The following USH1C variants were observed in gnomAD, a reference collection of about 807,000 sequenced individuals.
USH1C encodes the protein USH1 protein network component harmonin.
A neutral mutation model predicts 119.3 loss-of-function variants in USH1C; 90 were observed. That is an observed-to-expected ratio of 0.75 (90% confidence interval 0.64 to 0.90). The LOEUF (loss-of-function observed/expected upper bound fraction) is 0.90, where lower values mean the gene tolerates loss of function less well. Ranked by LOEUF, USH1C falls within the 40% of genes least tolerant of loss-of-function variation. The probability of loss-of-function intolerance (pLI) is 0.00; values close to 1 mark genes in which losing one functional copy is unlikely to be tolerated. For synonymous variants in USH1C, 465 were observed against 443.3 expected (o/e 1.05, Z -0.62); for missense variants, 1,165 against 1,167.7 (o/e 1.00, Z 0.03).
chr11:17,541,910 C>T (rs1186738332), intron 1 of USH1C, among the ~76,000 whole-genome samples: 1 of 152,174 alleles, frequency 6.6e-6, no homozygotes, highest in Non-Finnish European at 1.5e-5. Context: ...GAAACTAAAA[C>T]TCAGGGAGAG....
At chr11:17,506,097 A>C (rs1849639306) in intron 18 of USH1C, 148 bp from the exon 19 acceptor site, 2 of 1,190,220 alleles carry the variant, frequency 1.7e-6, no homozygotes, top group Admixed American at 3.9e-5. Flanking sequence ...TGGGGTTGTG[A>C]TCCTCAGCAG....
intron 15 of USH1C, among the ~76,000 whole-genome samples, chr11:17,513,150 G>A (rs1591985371): frequency 6.6e-6 from 1 of 152,152 alleles, no homozygotes; most frequent in Non-Finnish European, 1.5e-5. Context: ...CTGAGTCTTC[G>A]AGGTCCTAGT....
chr11:17,536,768 T>G (rs1369853469), intron 1 of USH1C, among the ~76,000 whole-genome samples: 1 of 152,248 alleles, frequency 6.6e-6, no homozygotes, highest in African/African-American at 2.4e-5. Flanking sequence ...TGGAATCTCC[T>G]TGTCCTCACT....
intron 11 of USH1C, 31 bp downstream of exon 11, chr11:17,523,180 A>G (rs192213150): frequency 5.0e-6 from 8 of 1,613,806 alleles, no homozygotes; most frequent in Middle Eastern, 1.6e-4. Flanking sequence ...ATGAAGGTCA[A>G]GGGGCTCCCA....
chr11:17,529,656 G>A (rs1234173582), intron 4 of USH1C, among the ~76,000 whole-genome samples: 1 of 152,212 alleles, frequency 6.6e-6, no homozygotes, highest in African/African-American at 2.4e-5. Flanking sequence ...CCTGGCTCAG[G>A]TTGCAGGATC....
intron 21 of USH1C, 137 bp downstream of exon 21, chr11:17,501,802 G>T (rs1849457789): frequency 1.9e-6 from 2 of 1,035,896 alleles, no homozygotes; most frequent in Non-Finnish European, 2.9e-6. Flanking sequence ...GAGCAGCTGG[G>T]GCATCACTGG....
chr11:17,509,819 G>C lies in USH1C; in HGVS notation c.1550C>G (p.Pro517Arg). 1.3e-6 allele frequency: 2 copies of C among 1,597,366 alleles called. No homozygotes were observed. Among genetic ancestry groups the C allele is most frequent in the Non-Finnish European group, 1.7e-6 (2 of 1,178,160 alleles). The stretch of plus-strand genomic sequence containing the variant: ...CAGGGGAGACACAGAAGGCGGGGGA[G>C]GCGGGGGCCCTGTGGTCATCTGGGG... ...EISEMTTGPP[P>R]PPPSVSPLAP... Residue 517 changes from proline to arginine, a missense_variant, in exon 18 of 27, where the codon CCT becomes CGT. Transcript: ENST00000005226.
intron 25 of USH1C, 21 bp from the exon 26 acceptor site, chr11:17,495,698 A>T: frequency 1.2e-6 from 2 of 1,612,630 alleles, no homozygotes; most frequent in Non-Finnish European, 1.7e-6. Flanking sequence ...AGAGCAGAGC[A>T]AGAAACACAA....
At position 17,516,282 on chromosome 11, in the gene USH1C, A is replaced by G; in HGVS notation, c.1219T>C (p.Trp407Arg). Reference sequence around the variant, plus strand: ...AATTTGCCATCGTAACGATAAAACCATCCAAAAGCTATAAGACACAGATAA... The same window carrying G: ...AATTTGCCATCGTAACGATAAAACCGTCCAAAAGCTATAAGACACAGATAA... ...VPLRKPKSFG[W>R]FYRYDGKFPT... The change falls in exon 15 of 27, where the codon TGG becomes CGG. Residue 407 changes from tryptophan (W) to arginine (R), a missense_variant. Trp to Arg is a moderately radical substitution (Grantham distance 101, BLOSUM62 -3). Transcript: ENST00000005226. 2 of 1,613,314 alleles carry G rather than the reference A, an allele frequency of 1.2e-6. No individual in the cohort carries two copies. The highest frequency in any genetic ancestry group is 1.7e-6 in the Non-Finnish European group (2 of 1,179,754).
rs571304936 is a variant in USH1C at position 17,495,678 on chromosome 11, C to A, written c.2547-1G>T. ...AGCTACGGAGGAGGGAAGAGAAGCT[C>A]TATATATACAGAGCAGAGCAAGAAA... On this transcript the variant is annotated splice_acceptor_variant, in intron 25 of 26. Coordinates refer to ENST00000005226, the MANE Select transcript of USH1C (RefSeq NM_153676.4). LOFTEE classifies it high-confidence loss of function. 9.9e-6 allele frequency: 16 copies of A among 1,614,074 alleles called. No individual in the cohort carries two copies. The East Asian group carries it at 2.0e-4, about 20-fold the overall frequency.
chr11:17,504,101 T>C (rs1369735787), intron 20 of USH1C, among the ~76,000 whole-genome samples: 2 of 152,204 alleles, frequency 1.3e-5, no homozygotes, highest in African/African-American at 4.8e-5. Context: ...GGTAGGTGGC[T>C]GCCTGCCTGA....
At chr11:17,507,855 C>A (rs1220803542) in intron 18 of USH1C, among the ~76,000 whole-genome samples, 1 of 152,168 alleles carries the variant, frequency 6.6e-6, no homozygotes, top group Admixed American at 6.5e-5. Flanking sequence ...AGGCTCAGCT[C>A]GTAAGCCCTC....
At chr11:17,496,699 T>G in intron 25 of USH1C, 59 bp downstream of exon 25, 1 of 1,603,402 alleles carries the variant, frequency 6.2e-7, no homozygotes, top group Non-Finnish European at 8.5e-7. Flanking sequence ...TGGAGAAAGG[T>G]GGCTGAGATT....
In USH1C at chr11:17,533,370, C is replaced by CG. The variant is rs374928611; in HGVS notation, c.37-49_37-48insC. 2,019 of 1,366,912 alleles carry CG rather than the reference C, an allele frequency of 1.5e-3. 20 individuals are homozygous for CG. The African/African-American group carries it at 0.025, about 17-fold the overall frequency. 84.7% of individuals were successfully genotyped at this position (1,366,912 alleles called of 1,614,324 possible). ...CACAGCTCCAGGCTCAGCACCCGCC[C>CG]CCATAGCAGACCTCAGGGAGGAGAG... On this transcript the variant is annotated intron_variant, in intron 1 of 26. Coordinates refer to ENST00000005226, the MANE Select transcript of USH1C (RefSeq NM_153676.4).
At chr11:17,499,963 TG>T (rs1849375911) in intron 23 of USH1C, among the ~76,000 whole-genome samples, 2 of 152,160 alleles carry the variant, frequency 1.3e-5, no homozygotes, top group South Asian at 4.1e-4. Flanking sequence ...GTAAGAGGCC[TG>T]GGGCTCCTCC....
intron 15 of USH1C, among the ~76,000 whole-genome samples, chr11:17,515,322 C>G (rs10766407): frequency 0.5 from 75,956 of 152,152 alleles, 20,010 homozygotes; most frequent in East Asian, 0.63. Flanking sequence ...AAGGCATTAA[C>G]CTCTGTCAGG....
chr11:17,526,314 C>T, intron 8 of USH1C, 33 bp downstream of exon 8: 4 of 1,587,358 alleles, frequency 2.5e-6, no homozygotes, highest in Non-Finnish European at 3.5e-6. Flanking sequence ...GTGCACTGGC[C>T]ACGAATGACC....
chr11:17,512,183 C>G, intron 15 of USH1C, 129 bp from the exon 16 acceptor site: 1 of 1,030,332 alleles, frequency 9.7e-7, no homozygotes, highest in Non-Finnish European at 1.5e-6. Flanking sequence ...TCTCTCACCA[C>G]TCTGGACATC....
At position 17,514,906 on chromosome 11, in the gene USH1C, G is replaced by A. The variant is rs536452500; in HGVS notation, c.1260+1335C>T. 4.8e-4 allele frequency among the ~76,000 whole-genome samples: 73 copies of A among 151,446 alleles called. 2 individuals carry two copies. The Middle Eastern group carries it at 0.017, about 35-fold the overall frequency. On this transcript the variant is annotated intron_variant, in intron 15 of 26. Coordinates refer to ENST00000005226, the MANE Select transcript of USH1C (RefSeq NM_153676.4). ...AGGCAACCCTATTTCTTTATCAACA[G>A]CACTTTCAAGGACATGATTTCTGAT...
Sources: allele counts gnomAD v4.1 joint callset (sites outside exome capture counted in the v4.1 genomes callset), GRCh38; gene constraint gnomAD v4.1.1; transcripts MANE v1.5; gene names NCBI Gene and HGNC (gene_info 2026-07-23, HGNC 2026-07-21).